The following STK3 variants were observed in gnomAD, a reference collection of about 807,000 sequenced individuals.
STK3 encodes serine/threonine kinase 3, also known as serine/threonine-protein kinase 3.
A neutral mutation model predicts 58.0 loss-of-function variants in STK3; 41 were observed. The observed-to-expected ratio is 0.71, with a 90% CI of 0.55 to 0.92. The LOEUF (loss-of-function observed/expected upper bound fraction) is 0.92, where lower values mean the gene tolerates loss of function less well. Ranked by LOEUF, STK3 falls within the 40% of genes least tolerant of loss-of-function variation. The pLI, the probability that STK3 is intolerant of heterozygous loss-of-function variation, is 0.00. For missense variants in STK3, 479 were observed against 602.7 expected, an observed-to-expected ratio of 0.79 and a Z score of 2.15; for synonymous variants, 170 against 191.0, an observed-to-expected ratio of 0.89 and a Z score of 0.91.
chr8:98,869,771 A>G (rs1388309679), intron 3 of STK3, among the ~76,000 whole-genome samples: 1 of 151,480 alleles, frequency 6.6e-6, no homozygotes, highest in Non-Finnish European at 1.5e-5. Context: ...AAGAAAACAG[A>G]AATAAATATC....
At chr8:98,910,770 T>C (rs1839099161) in intron 1 of STK3, among the ~76,000 whole-genome samples, 1 of 152,230 alleles carries the variant, frequency 6.6e-6, no homozygotes. Context: ...CCTGTGAGAA[T>C]ATCCTTCTTC....
chr8:98,700,171 AG>A (rs1825428907), intron 6 of STK3, among the ~76,000 whole-genome samples: 1 of 152,130 alleles, frequency 6.6e-6, no homozygotes, highest in Non-Finnish European at 1.5e-5. Context: ...CTCTGATCCA[AG>A]TGCGGGATAT....
chr8:98,580,856 A>T (rs767178086), intron 7 of STK3, among the ~76,000 whole-genome samples: 6 of 152,250 alleles, frequency 3.9e-5, no homozygotes, highest in African/African-American at 1.4e-4. Flanking sequence ...GAAGAAATAG[A>T]TACTTGAAAG....
At chr8:98,488,849 A>C (rs1419715001) in intron 10 of STK3, among the ~76,000 whole-genome samples, 1 of 152,178 alleles carries the variant, frequency 6.6e-6, no homozygotes, top group Non-Finnish European at 1.5e-5. Context: ...TTCGGAATAA[A>C]AGCAACACTT....
At chr8:98,896,833 G>A (rs961988056) in intron 1 of STK3, among the ~76,000 whole-genome samples, 2 of 152,084 alleles carry the variant, frequency 1.3e-5, no homozygotes, top group Non-Finnish European at 2.9e-5. Context: ...ACAAAAATTA[G>A]CTGGGTGTGG....
intron 1 of STK3, chr8:98,905,130 T>C (rs1361622587): frequency 7.6e-6 from 11 of 1,447,146 alleles, no homozygotes; most frequent in Non-Finnish European, 9.7e-6. Context: ...ACCCGTACGA[T>C]CTACTGGGCA....
intron 1 of STK3, among the ~76,000 whole-genome samples, chr8:98,893,512 G>GAAA (rs1554697119): frequency 8.1e-6 from 1 of 123,514 alleles, no homozygotes; most frequent in Non-Finnish European, 1.8e-5. Flanking sequence ...AAGAAAGAAA[G>GAAA]AAAGAAAGAA....
At chr8:98,842,505 G>A (rs998614361) in intron 3 of STK3, among the ~76,000 whole-genome samples, 23 of 150,736 alleles carry the variant, frequency 1.5e-4, no homozygotes, top group African/African-American at 5.6e-4. Flanking sequence ...GGGAAATCAA[G>A]TCTCTACAAA....
At chr8:98,737,768 C>T (rs555991574) in intron 4 of STK3, among the ~76,000 whole-genome samples, 62 of 152,170 alleles carry the variant, frequency 4.1e-4, no homozygotes, top group Admixed American at 7.8e-4. Flanking sequence ...ACTGCAGTGG[C>T]GCAATCTCAG....
intron 1 of STK3, among the ~76,000 whole-genome samples, chr8:98,445,032 T>C (rs2131104625): frequency 6.6e-6 from 1 of 152,338 alleles, no homozygotes; most frequent in African/African-American, 2.4e-5. Context: ...CTTTTATCTT[T>C]TGTTTTCTGT....
At chr8:98,608,713 G>A (rs1000831253) in intron 6 of STK3, among the ~76,000 whole-genome samples, 1 of 152,114 alleles carries the variant, frequency 6.6e-6, no homozygotes, top group Non-Finnish European at 1.5e-5. Flanking sequence ...AAATATACCT[G>A]GTCCTTGCAA....
At chr8:98,467,136 A>C (rs1322357388) in intron 10 of STK3, among the ~76,000 whole-genome samples, 1 of 152,128 alleles carries the variant, frequency 6.6e-6, no homozygotes, top group Non-Finnish European at 1.5e-5. Flanking sequence ...TTGCTGGGGT[A>C]CCAGGTAACC....
chr8:98,681,233 G>C (rs1823619697), intron 6 of STK3, among the ~76,000 whole-genome samples: 1 of 151,972 alleles, frequency 6.6e-6, no homozygotes, highest in Admixed American at 6.6e-5. Flanking sequence ...TCCTGACCTT[G>C]TGATCCAACC....
At chr8:98,393,710 C>T (rs1817870245) in intron 3 of STK3, 1 of 151,872 alleles carries the variant, frequency 6.6e-6, no homozygotes. Flanking sequence ...ATCCTCTTAT[C>T]CTCCAGTAGG....
chr8:98,659,355 C>A (rs1821794974), intron 6 of STK3, among the ~76,000 whole-genome samples: 1 of 152,028 alleles, frequency 6.6e-6, no homozygotes, highest in Non-Finnish European at 1.5e-5. Flanking sequence ...TAACACCTTA[C>A]ATATACAAAT....
chr8:98,604,253 G>A (rs1284676933), intron 6 of STK3, among the ~76,000 whole-genome samples: 1 of 152,202 alleles, frequency 6.6e-6, no homozygotes, highest in Non-Finnish European at 1.5e-5. Context: ...GTTAGACACT[G>A]TATTTTGGAA....
chr8:98,858,455 C>G (rs1836796554), intron 3 of STK3, among the ~76,000 whole-genome samples: 2 of 149,512 alleles, frequency 1.3e-5, no homozygotes, highest in South Asian at 4.4e-4. Context: ...GCGTGAGTCA[C>G]CACATCCATC....
chr8:98,828,815 A>G (rs767421364), upstream of STK3, among the ~76,000 whole-genome samples: 2 of 152,206 alleles, frequency 1.3e-5, no homozygotes, highest in African/African-American at 2.4e-5. Context: ...TGGCTTTTGT[A>G]TGAAACTTGT....
chr8:98,938,109 CGTTTTCA>C (rs1248485625), intron 1 of STK3, among the ~76,000 whole-genome samples: 69 of 151,906 alleles, frequency 4.5e-4, no homozygotes, highest in African/African-American at 1.5e-3. Context: ...TGTTTATATG[CGTTTTCA>C]GTGGCTTCCC....
Sources: allele counts gnomAD v4.1 joint callset (sites outside exome capture counted in the v4.1 genomes callset), GRCh38; gene constraint gnomAD v4.1.1; transcripts MANE v1.5; gene names NCBI Gene and HGNC (gene_info 2026-07-23, HGNC 2026-07-21).